Variants in CDHR2 observed in about 807,000 individuals in gnomAD.
CDHR2 encodes the protein cadherin related family member 2.
Under a neutral mutation model 138.6 loss-of-function variants are expected in CDHR2, and 104 were observed. The ratio of observed to expected loss-of-function variants is 0.75; its 90% CI spans 0.64 to 0.88. The LOEUF is 0.88. CDHR2 is among the 40% of genes least tolerant of loss of function. CDHR2 has a pLI of 0.00. For synonymous variants in CDHR2, 755 were observed against 742.8 expected (o/e 1.02, Z -0.27); for missense variants, 1,624 against 1,727.6 (o/e 0.94, Z 1.06).
At chr5:176,555,700 A>G (rs1757804672) in intron 1 of CDHR2, among the ~76,000 whole-genome samples, 1 of 152,158 alleles carries the variant, frequency 6.6e-6, no homozygotes, top group South Asian at 2.1e-4. Context: ...TGAGGTCAGG[A>G]GTTCGAGACC....
chr5:176,580,155 C>G (rs1212050659), intron 16 of CDHR2, among the ~76,000 whole-genome samples: 1 of 148,836 alleles, frequency 6.7e-6, no homozygotes, highest in African/African-American at 2.6e-5. Flanking sequence ...CTCACACACA[C>G]ACTCACACAC....
chr5:176,565,243 T>C (rs529167160), intron 1 of CDHR2, 95 bp from the exon 2 acceptor site: 13 of 829,592 alleles, frequency 1.6e-5, no homozygotes, highest in East Asian at 1.5e-4. Context: ...TAAGCAGCAG[T>C]GGTGGGTGGG....
At position 176,578,042 on chromosome 5, in the gene CDHR2, C is replaced by A. The variant is rs1230388393; in HGVS notation, c.1521C>A (p.Asp507Glu). Residue 507 changes from aspartate (D) to glutamate (E), a missense_variant, in exon 15 of 32, where the codon GAC (aspartate) becomes GAA (glutamate). Asp to Glu is a conservative substitution (Grantham distance 45). Around this residue, in one of 3 missense-constraint regions of CDHR2, gnomAD observed 1,061 missense variants for 1,136.6 expected, o/e 0.93. Transcript: ENST00000261944. ...SVVTDSIHATDPDTGAWGQIT... is the reference protein window; with the variant it reads ...SVVTDSIHATEPDTGAWGQIT... ...ATGTCTCTGCCTCACAGGCCACGGACCCAGACACGGGCGCGTGGGGCCAAA... is the reference window on the plus strand; with the variant it reads ...ATGTCTCTGCCTCACAGGCCACGGAACCAGACACGGGCGCGTGGGGCCAAA... The A allele has an allele frequency of 6.2e-7, 1 of 1,611,900 alleles. No homozygotes were observed. The highest frequency in any genetic ancestry group is 1.3e-5 in the African/African-American group (1 of 74,894).
intron 1 of CDHR2, among the ~76,000 whole-genome samples, chr5:176,559,266 G>A (rs1361536604): frequency 6.6e-6 from 1 of 152,168 alleles, no homozygotes; most frequent in Non-Finnish European, 1.5e-5. Context: ...CTTCTCAATA[G>A]AAGGAATATC....
intron 30 of CDHR2, among the ~76,000 whole-genome samples, chr5:176,592,490 G>T (rs567432853): frequency 6.6e-6 from 1 of 150,478 alleles, no homozygotes; most frequent in African/African-American, 2.5e-5. Flanking sequence ...TGATGGTGAT[G>T]GTGGTGGTGA....
chr5:176,575,815 TGAG>T lies in CDHR2; in HGVS notation c.941_943del (p.Glu314del). ...ACCGTGAGCAGCTGCTGGAGGCGGA[TGAG>T]GAGGTGCAGCTGCAGGTCACGGTGA... On this transcript the variant is annotated inframe_deletion, in exon 11 of 32. Coordinates refer to ENST00000261944, the MANE Select transcript of CDHR2 (RefSeq NM_017675.6). The T allele has an allele frequency of 6.4e-7, 1 of 1,552,982 alleles. No homozygotes were observed. Among genetic ancestry groups the T allele is most frequent in the Non-Finnish European group, 8.7e-7 (1 of 1,147,746 alleles).
intron 3 of CDHR2, chr5:176,566,807 C>G: frequency 2.5e-6 from 1 of 400,134 alleles, no homozygotes; most frequent in South Asian, 1.8e-5. Flanking sequence ...CACAGACCCA[C>G]GCCTAGCTGC....
Position 176,575,368 on chromosome 5 carries a change from T to C in CDHR2, c.710T>C (p.Leu237Pro). The C allele has an allele frequency of 6.2e-7, 1 of 1,614,220 alleles. No individual in the cohort carries two copies. Among genetic ancestry groups the C allele is most frequent in the Non-Finnish European group, 8.5e-7 (1 of 1,180,036 alleles). ...LSISVVDQPDLDPQFVREFYS... is the reference protein window; with the variant it reads ...LSISVVDQPDPDPQFVREFYS... Reference sequence around the variant, plus strand: ...ATCTCCGTGGTGGACCAGCCTGACCTTGACCCCCAGTTTGTCAGGGAGTTT... The same window carrying C: ...ATCTCCGTGGTGGACCAGCCTGACCCTGACCCCCAGTTTGTCAGGGAGTTT... The change falls in exon 9 of 32, where the codon CTT (leucine) becomes CCT (proline). Residue 237 changes from leucine (L) to proline (P), a missense_variant. Transcript: ENST00000261944.
At chr5:176,551,262 G>T (rs1203719766) in intron 1 of CDHR2, among the ~76,000 whole-genome samples, 1 of 152,036 alleles carries the variant, frequency 6.6e-6, no homozygotes, top group East Asian at 1.9e-4. Flanking sequence ...CTGCCTCCTT[G>T]GTTCAAGTGA....
At chr5:176,565,472 G>T in intron 2 of CDHR2, 68 bp downstream of exon 2, 1 of 1,483,896 alleles carries the variant, frequency 6.7e-7, no homozygotes, top group Non-Finnish European at 9.4e-7. Flanking sequence ...CTCCAGAAAG[G>T]AGGGGGATCC....
Position 176,577,532 on chromosome 5 carries a change from G to A in CDHR2, c.1328G>A (p.Arg443Lys). The change falls in exon 13 of 32, where the codon AGG becomes AAG. Residue 443 changes from arginine to lysine, a missense_variant. By Grantham distance (26) the Arg-to-Lys change is conservative. Transcript: ENST00000261944. Reference protein sequence around the residue: ...VRVSALVDYERQTAMAVQVVA... With the variant: ...VRVSALVDYEKQTAMAVQVVA... ...GTATCCGCGCTGGTGGACTACGAGA[G>A]GCAGACGGCGATGGCGGTGCAGGTG... The A allele has an allele frequency of 6.2e-7, 1 of 1,613,718 alleles. No individual in the cohort carries two copies. Among genetic ancestry groups the A allele is most frequent in the Non-Finnish European group, 8.5e-7 (1 of 1,179,868 alleles).
At chr5:176,565,622 T>C in intron 2 of CDHR2, 50 bp from the exon 3 acceptor site, 1 of 1,532,340 alleles carries the variant, frequency 6.5e-7, no homozygotes, top group Non-Finnish European at 9.0e-7. Context: ...CAGGTAGGGA[T>C]CGGGTTTTGC....
At chr5:176,557,653 C>T (rs958852170) in intron 1 of CDHR2, among the ~76,000 whole-genome samples, 1 of 148,026 alleles carries the variant, frequency 6.8e-6, no homozygotes. Context: ...GCAACCTCGG[C>T]CTCCTGGGCT....
In CDHR2 at chr5:176,575,220, G is replaced by T. The variant is rs1190618360; in HGVS notation, c.621+11G>T. The T allele has an allele frequency of 1.9e-6, 3 of 1,614,046 alleles. No individual in the cohort carries two copies. Among genetic ancestry groups the T allele is most frequent in the African/African-American group, 2.7e-5 (2 of 74,950 alleles). On this transcript the variant is annotated intron_variant, in intron 8 of 31. Transcript: ENST00000261944. ...GAGCTGAAGGCCTGTGTGAGTGGGG[G>T]TGCCGGCAGGCGGGCCTAGGACCCA... is the stretch of plus-strand genomic sequence containing the variant.
At chr5:176,549,995 C>G (rs73341068) in intron 1 of CDHR2, among the ~76,000 whole-genome samples, 203 of 152,330 alleles carry the variant, frequency 1.3e-3, no homozygotes, top group African/African-American at 4.5e-3. Context: ...GGGACTGACC[C>G]AGGCTGGCCC....
At chr5:176,560,539 A>T (rs1007780890) in intron 1 of CDHR2, among the ~76,000 whole-genome samples, 2 of 152,230 alleles carry the variant, frequency 1.3e-5, no homozygotes, top group African/African-American at 4.8e-5. Context: ...TACCACTTAA[A>T]GCGGTTCCCT....
intron 1 of CDHR2, among the ~76,000 whole-genome samples, chr5:176,565,077 A>G (rs1326754443): frequency 6.6e-6 from 1 of 152,138 alleles, no homozygotes; most frequent in African/African-American, 2.4e-5. Context: ...CTGCACATCT[A>G]GTGCCTTGGA....
intron 17 of CDHR2, among the ~76,000 whole-genome samples, chr5:176,582,077 A>T (rs972909797): frequency 1.3e-5 from 2 of 152,162 alleles, no homozygotes; most frequent in African/African-American, 4.8e-5. Context: ...CTGCAGTGCA[A>T]TAGTGCCATC....
At chr5:176,593,077 C>G (rs1311116339) in intron 31 of CDHR2, among the ~76,000 whole-genome samples, 1 of 152,214 alleles carries the variant, frequency 6.6e-6, no homozygotes, top group Non-Finnish European at 1.5e-5. Context: ...GCATAAGAAC[C>G]ACTTGGCACA....
Sources: allele counts gnomAD v4.1 joint callset (sites outside exome capture counted in the v4.1 genomes callset), GRCh38; gene constraint gnomAD v4.1.1; regional missense constraint gnomAD v4.1.1; transcripts MANE v1.5; gene names NCBI Gene and HGNC (gene_info 2026-07-23, HGNC 2026-07-21).